Variants in KCNIP4 observed in about 807,000 individuals in gnomAD.
KCNIP4 encodes the protein Kv channel-interacting protein 4.
KCNIP4 carries 12 observed loss-of-function variants against 34.0 expected under a neutral mutation model. The observed-to-expected ratio is 0.35, with a 90% CI of 0.23 to 0.57. The LOEUF is 0.57. KCNIP4 is among the 20% of genes least tolerant of loss of function. The pLI is 0.83. For missense variants in KCNIP4, 238 were observed against 311.7 expected (o/e 0.76, Z 1.78); for synonymous variants, 124 against 102.2 (o/e 1.21, Z -1.29).
intron 1 of KCNIP4, among the ~76,000 whole-genome samples, chr4:21,726,484 T>A (rs1715204085): frequency 6.6e-6 from 1 of 152,060 alleles, no homozygotes; most frequent in African/African-American, 2.4e-5. Flanking sequence ...AGAGCACAAG[T>A]TAGAAAAATC....
At chr4:20,748,591 T>G (rs1752923004) in intron 5 of KCNIP4, among the ~76,000 whole-genome samples, 1 of 102,404 alleles carries the variant, frequency 9.8e-6, no homozygotes, top group East Asian at 2.6e-4. Flanking sequence ...TATATATATA[T>G]ATATATATAT....
At chr4:21,213,476 A>G (rs932124649) in intron 1 of KCNIP4, among the ~76,000 whole-genome samples, 9 of 151,704 alleles carry the variant, frequency 5.9e-5, no homozygotes, top group African/African-American at 1.9e-4. Flanking sequence ...TAATTTTTGT[A>G]TTTTTAGTAG....
intron 1 of KCNIP4, among the ~76,000 whole-genome samples, chr4:21,658,853 AGGTC>A (rs1277969115): frequency 2.6e-5 from 4 of 152,170 alleles, no homozygotes; most frequent in African/African-American, 9.7e-5. Flanking sequence ...TGAAGTGACA[AGGTC>A]GGTCTAAATC....
intron 3 of KCNIP4, chr4:20,767,415 C>T (rs1032534119): frequency 1.6e-4 from 24 of 152,046 alleles, no homozygotes; most frequent in African/African-American, 5.8e-4. Context: ...CCCAGCGATG[C>T]TTACATGGTA....
chr4:21,123,801 C>G (rs571953744), intron 1 of KCNIP4, among the ~76,000 whole-genome samples: 6 of 152,176 alleles, frequency 3.9e-5, no homozygotes, highest in African/African-American at 1.4e-4. Context: ...AGAGTACTCT[C>G]TCTCCACTTT....
intron 1 of KCNIP4, among the ~76,000 whole-genome samples, chr4:21,170,265 C>G (rs1010382740): frequency 2.0e-5 from 3 of 151,930 alleles, no homozygotes; most frequent in African/African-American, 7.3e-5. Flanking sequence ...GCTATTTTTG[C>G]CAGGATAAAG....
intron 1 of KCNIP4, among the ~76,000 whole-genome samples, chr4:21,206,347 A>G (rs915284315): frequency 3.3e-5 from 5 of 152,208 alleles, no homozygotes; most frequent in Admixed American, 3.3e-4. Context: ...AGTCATACTA[A>G]GTGGCTTTGA....
intron 1 of KCNIP4, among the ~76,000 whole-genome samples, chr4:21,187,469 C>T (rs1285941602): frequency 6.6e-6 from 1 of 152,216 alleles, no homozygotes; most frequent in Non-Finnish European, 1.5e-5. Context: ...CTGTCATCCT[C>T]ACTGAGATTT....
chr4:21,330,085 A>G (rs1423848731), intron 1 of KCNIP4, among the ~76,000 whole-genome samples: 2 of 152,240 alleles, frequency 1.3e-5, no homozygotes, highest in Non-Finnish European at 2.9e-5. Context: ...ATATCTAATT[A>G]TATGAGGACT....
At chr4:21,659,436 A>G (rs1748253946) in intron 1 of KCNIP4, among the ~76,000 whole-genome samples, 1 of 152,136 alleles carries the variant, frequency 6.6e-6, no homozygotes, top group African/African-American at 2.4e-5. Flanking sequence ...AATACATTTA[A>G]TGGTTACCTT....
chr4:21,219,371 T>G (rs7697303), intron 1 of KCNIP4, among the ~76,000 whole-genome samples: 14,263 of 152,156 alleles, frequency 0.094, 2,162 homozygotes, highest in African/African-American at 0.32. Flanking sequence ...ACATATTTGT[T>G]TGGGTGTGTG....
intron 1 of KCNIP4, among the ~76,000 whole-genome samples, chr4:21,228,096 C>A (rs1021478397): frequency 1.3e-5 from 2 of 152,124 alleles, no homozygotes; most frequent in Admixed American, 1.3e-4. Context: ...GAGTAGGCGA[C>A]AATTTGCAAA....
chr4:21,098,315 A>G (rs1190809376), intron 1 of KCNIP4, among the ~76,000 whole-genome samples: 3 of 152,228 alleles, frequency 2.0e-5, no homozygotes, highest in Non-Finnish European at 4.4e-5. Flanking sequence ...TAGATTTTCA[A>G]GGTAGACCAA....
chr4:20,795,192 T>G (rs1175583080), intron 3 of KCNIP4, among the ~76,000 whole-genome samples: 1 of 152,128 alleles, frequency 6.6e-6, no homozygotes, highest in Non-Finnish European at 1.5e-5. Context: ...GATCAGCCAT[T>G]AAATCATAAA....
At position 21,290,645 on chromosome 4, in the gene KCNIP4, T is replaced by C. The variant is rs112035244; in HGVS notation, c.62-407936A>G. On this transcript the variant is annotated intron_variant, in intron 1 of 8. Coordinates refer to ENST00000382152, the MANE Select transcript of KCNIP4 (RefSeq NM_025221.6). Reference sequence around the variant, plus strand: ...GAATAGATGGGAGAATTTATCAACATGCAAATGAAACAAGGCTCTTGCCCG... The same window carrying C: ...GAATAGATGGGAGAATTTATCAACACGCAAATGAAACAAGGCTCTTGCCCG... 9.8e-3 allele frequency among the ~76,000 whole-genome samples: 1,489 copies of C among 152,290 alleles called. 20 individuals carry two copies. Among genetic ancestry groups the C allele is most frequent in the African/African-American group, 0.033 (1,379 of 41,548 alleles).
At position 21,340,623 on chromosome 4, in the gene KCNIP4, G is replaced by A. The variant is rs144988636; in HGVS notation, c.62-457914C>T. 6.8e-4 allele frequency among the ~76,000 whole-genome samples: 104 copies of A among 151,880 alleles called. No individual in the cohort carries two copies. The East Asian group carries it at 0.02, about 29-fold the overall frequency. ...AAGGGCATAAACATTTCAGAATTCT[G>A]TCTGTAATCACTATATGCCCTGCTG... On this transcript the variant is annotated intron_variant, in intron 1 of 8. Transcript: ENST00000382152.
intron 1 of KCNIP4, among the ~76,000 whole-genome samples, chr4:21,581,721 C>G (rs1462072277): frequency 6.6e-6 from 1 of 151,888 alleles, no homozygotes; most frequent in East Asian, 1.9e-4. Context: ...ATTATCACAG[C>G]TTGGTTCAGT....
rs1373070683 is a variant in KCNIP4, at chr4:21,835,464, C to T, written c.61+113107G>A. Among the ~76,000 whole-genome samples, 5 of 151,748 alleles carry T rather than the reference C, an allele frequency of 3.3e-5. No individual in the cohort carries two copies. In the East Asian group the frequency reaches 7.8e-4, roughly 24 times the overall value. ...CTAAAAAAATTAAAGCTGTCCAATA[C>T]TAACCTTGGATGACCCTGTGAATCA... On this transcript the variant is annotated intron_variant, in intron 1 of 8. Transcript: ENST00000382152.
At chr4:21,798,596 G>T (rs1226820479) in intron 1 of KCNIP4, among the ~76,000 whole-genome samples, 4 of 133,618 alleles carry the variant, frequency 3.0e-5, no homozygotes. Flanking sequence ...GAGAAAAAAT[G>T]CAAAGAGCCA....
Sources: gnomAD v4.1 joint callset for allele counts (sites outside exome capture counted in the v4.1 genomes callset) on GRCh38, gnomAD v4.1.1 for gene constraint, MANE v1.5 for transcripts, NCBI Gene and HGNC (gene_info 2026-07-23, HGNC 2026-07-21) for gene names.